The following SCPEP1 variants were observed in gnomAD, a reference collection of about 807,000 sequenced individuals.
SCPEP1 encodes the protein serine carboxypeptidase 1.
A neutral mutation model predicts 63.8 loss-of-function variants in SCPEP1; 51 were observed. The ratio of observed to expected loss-of-function variants is 0.80; its 90% CI spans 0.64 to 1.01. SCPEP1 has a LOEUF of 1.01. Ranked by LOEUF, SCPEP1 falls within the 50% of genes least tolerant of loss-of-function variation. The pLI, the probability that SCPEP1 is intolerant of heterozygous loss-of-function variation, is 0.00. For synonymous variants in SCPEP1, 204 were observed against 207.8 expected (o/e 0.98, Z 0.16); for missense variants, 499 against 554.9 (o/e 0.90, Z 1.01).
At chr17:56,978,362 T>C in intron 1 of SCPEP1, 127 bp downstream of exon 1, 1 of 1,185,484 alleles carries the variant, frequency 8.4e-7, no homozygotes, top group Non-Finnish European at 1.1e-6. Context: ...TGTAATTATA[T>C]TGCTTTTGAA....
intron 6 of SCPEP1, 174 bp from the exon 7 acceptor site, chr17:56,994,807 T>G (rs1331928870): frequency 2.0e-5 from 11 of 554,880 alleles, no homozygotes; most frequent in African/African-American, 1.9e-4. Flanking sequence ...TTCCAGACAC[T>G]GAGACATCAG....
intron 6 of SCPEP1, chr17:56,994,775 GCC>G: frequency 2.1e-6 from 1 of 484,576 alleles, no homozygotes; most frequent in South Asian, 2.5e-5. Flanking sequence ...CAACAGAAAG[GCC>G]CCCACACCCT....
At chr17:57,003,328 A>C (rs746380762) in intron 12 of SCPEP1, among the ~76,000 whole-genome samples, 1 of 152,130 alleles carries the variant, frequency 6.6e-6, no homozygotes, top group Non-Finnish European at 1.5e-5. Flanking sequence ...AAATTAACAG[A>C]TTTGTCCAAG....
At chr17:56,985,520 C>CA in intron 3 of SCPEP1, 53 bp downstream of exon 3, 3 of 1,368,490 alleles carry the variant, frequency 2.2e-6, no homozygotes, top group Non-Finnish European at 2.1e-6. Flanking sequence ...TCTCAGAGGC[C>CA]CTGCCCAACT....
chr17:56,987,994 C>A, intron 4 of SCPEP1, 144 bp downstream of exon 4: 1 of 994,846 alleles, frequency 1.0e-6, no homozygotes, highest in Non-Finnish European at 1.5e-6. Flanking sequence ...GGGTTGTGGA[C>A]TTTTGTTTCT....
chr17:56,995,256 C>T, intron 7 of SCPEP1: 1 of 563,562 alleles, frequency 1.8e-6, no homozygotes, highest in Non-Finnish European at 3.1e-6. Flanking sequence ...TTTCCAATGC[C>T]CTAAATTTTT....
At chr17:56,991,720 C>T (rs1463401060) in intron 6 of SCPEP1, among the ~76,000 whole-genome samples, 1 of 152,188 alleles carries the variant, frequency 6.6e-6, no homozygotes, top group East Asian at 1.9e-4. Flanking sequence ...GGGTGTGGCC[C>T]CAGACATCTG....
chr17:56,996,604 C>T (rs1198237241), intron 8 of SCPEP1, among the ~76,000 whole-genome samples: 1 of 152,122 alleles, frequency 6.6e-6, no homozygotes, highest in African/African-American at 2.4e-5. Context: ...ACTGCAACCT[C>T]TGCCTCCTGG....
chr17:56,988,074 A>C, intron 4 of SCPEP1, 142 bp from the exon 5 acceptor site: 1 of 762,442 alleles, frequency 1.3e-6, no homozygotes, highest in Non-Finnish European at 2.1e-6. Context: ...AGACGCAATA[A>C]TCAGATATGG....
At chr17:56,994,504 C>T (rs1170107018) in intron 6 of SCPEP1, among the ~76,000 whole-genome samples, 2 of 152,186 alleles carry the variant, frequency 1.3e-5, no homozygotes, top group Non-Finnish European at 2.9e-5. Flanking sequence ...TAGCCATTTG[C>T]ACTGTTGCAA....
At chr17:57,000,826 A>AC in intron 10 of SCPEP1, 29 bp from the exon 11 acceptor site, 1 of 1,612,772 alleles carries the variant, frequency 6.2e-7, no homozygotes, top group Non-Finnish European at 8.5e-7. Flanking sequence ...ATTCCAAGCT[A>AC]CTCCCTCTTT....
At chr17:56,980,928 G>A (rs1468653273) in intron 1 of SCPEP1, among the ~76,000 whole-genome samples, 154 bp from the exon 2 acceptor site, 3 of 152,070 alleles carry the variant, frequency 2.0e-5, no homozygotes, top group Non-Finnish European at 2.9e-5. Context: ...CATAGCCGAG[G>A]TTTTTTCCTT....
In SCPEP1 at chr17:56,993,431, GTTGT is replaced by G. The variant is rs563142295; in HGVS notation, c.620-1539_620-1536del. On this transcript the variant is annotated intron_variant, in intron 6 of 12. Transcript: ENST00000262288. ...CGCCTGCTCTGGTAAATAAGTTTTTGTTGTTTGTTTGTTTTTGTTTGTTTGTTTT... is the reference window on the plus strand; with the variant it reads ...CGCCTGCTCTGGTAAATAAGTTTTTGTTGTTTGTTTTTGTTTGTTTGTTTT... Among the ~76,000 whole-genome samples the G allele has an allele frequency of 9.6e-4, 146 of 152,204 alleles. 1 individual carries two copies. The highest frequency in any genetic ancestry group is 3.4e-3 in the African/African-American group (143 of 41,536).
At chr17:56,985,273 A>C in intron 2 of SCPEP1, 105 bp from the exon 3 acceptor site, 1 of 827,034 alleles carries the variant, frequency 1.2e-6, no homozygotes, top group Non-Finnish European at 2.0e-6. Flanking sequence ...GTGCAAATTG[A>C]CCCAGCCATC....
chr17:56,986,221 CTTT>C (rs869281244), intron 3 of SCPEP1, among the ~76,000 whole-genome samples: 1 of 142,142 alleles, frequency 7.0e-6, no homozygotes. Context: ...GCTTTCTGCT[CTTT>C]TTTTTTTTTT....
intron 1 of SCPEP1, among the ~76,000 whole-genome samples, chr17:56,980,517 T>G (rs1402200831): frequency 1.3e-5 from 2 of 152,178 alleles, no homozygotes; most frequent in African/African-American, 4.8e-5. Flanking sequence ...TACAGAATTA[T>G]AAAAGTATTT....
At chr17:56,978,679 A>G (rs1231092030) in intron 1 of SCPEP1, among the ~76,000 whole-genome samples, 3 of 152,192 alleles carry the variant, frequency 2.0e-5, no homozygotes, top group African/African-American at 7.2e-5. Context: ...TGATCAAAAC[A>G]AACAAGATAA....
intron 2 of SCPEP1, among the ~76,000 whole-genome samples, chr17:56,982,532 C>A (rs1315664314): frequency 6.6e-6 from 1 of 152,160 alleles, no homozygotes; most frequent in Non-Finnish European, 1.5e-5. Flanking sequence ...GAGCCCTGTT[C>A]ACCTCCGGTG....
intron 3 of SCPEP1, among the ~76,000 whole-genome samples, chr17:56,985,976 C>A (rs1230308335): frequency 2.0e-5 from 3 of 152,070 alleles, no homozygotes; most frequent in Non-Finnish European, 4.4e-5. Flanking sequence ...TACAGCCTTG[C>A]CAAACCCAGC....
Sources: gnomAD v4.1 joint callset for allele counts (sites outside exome capture counted in the v4.1 genomes callset) on GRCh38, gnomAD v4.1.1 for gene constraint, MANE v1.5 for transcripts, NCBI Gene and HGNC (gene_info 2026-07-23, HGNC 2026-07-21) for gene names.